Variants in CEP112 observed in about 807,000 individuals in gnomAD.
CEP112 encodes centrosomal protein of 112 kDa.
A neutral mutation model predicts 153.0 loss-of-function variants in CEP112; 127 were observed. That is an observed-to-expected ratio of 0.83 (90% CI 0.72 to 0.96). The LOEUF (loss-of-function observed/expected upper bound fraction) is 0.96, where lower values mean the gene tolerates loss of function less well. CEP112 is among the 40% of genes least tolerant of loss of function. The pLI, the probability that CEP112 is intolerant of heterozygous loss-of-function variation, is 0.00. For synonymous variants in CEP112, 358 were observed against 374.4 expected, an observed-to-expected ratio of 0.96 and a Z score of 0.51; for missense variants, 1,089 against 1,101.2, an observed-to-expected ratio of 0.99 and a Z score of 0.16.
rs1039626782 is a variant in CEP112 at position 66,074,473 on chromosome 17, C to A, written c.769-4472G>T. ...CCAAGTTTGATAAAATATAAAAATA[C>A]TGACTTAGAGAACAAGATGCTCAAT... On this transcript the variant is annotated intron_variant, in intron 8 of 26. Transcript: ENST00000535342. 7.2e-5 allele frequency among the ~76,000 whole-genome samples: 11 copies of A among 152,140 alleles called. No individual in the cohort carries two copies. The East Asian group carries it at 1.2e-3, about 16-fold the overall frequency.
chr17:65,991,567 C>A (rs2063596879), intron 17 of CEP112, among the ~76,000 whole-genome samples: 2 of 152,172 alleles, frequency 1.3e-5, no homozygotes, highest in Admixed American at 1.3e-4. Context: ...GTATTTAGAA[C>A]TAATCTTTCA....
chr17:65,849,504 A>T (rs1195452880), intron 21 of CEP112, among the ~76,000 whole-genome samples: 1 of 152,212 alleles, frequency 6.6e-6, no homozygotes, highest in Non-Finnish European at 1.5e-5. Flanking sequence ...TAATTTTTAA[A>T]TTATCTTTAC....
intron 11 of CEP112, among the ~76,000 whole-genome samples, chr17:66,054,435 G>T (rs1266177296): frequency 2.0e-5 from 3 of 152,238 alleles, no homozygotes; most frequent in African/African-American, 7.2e-5. Context: ...TGACTAAGCA[G>T]AATTGTATAC....
At chr17:65,825,799 C>G (rs538312389) in intron 21 of CEP112, among the ~76,000 whole-genome samples, 9 of 152,124 alleles carry the variant, frequency 5.9e-5, no homozygotes, top group Non-Finnish European at 1.2e-4. Flanking sequence ...GCTGTGGCAA[C>G]TTCACTTTTT....
rs149969826 is a variant in CEP112, at chr17:66,019,687, C to T, written c.1656+7814G>A. On this transcript the variant is annotated intron_variant, in intron 16 of 26. Coordinates refer to ENST00000535342, the MANE Select transcript of CEP112 (RefSeq NM_001199165.4). ...AGTGAAAACAACTAATATACATTAACAAGTAACGTTATTAAAAAGCTAGGC... is the reference window on the plus strand; with the variant it reads ...AGTGAAAACAACTAATATACATTAATAAGTAACGTTATTAAAAAGCTAGGC... Among the ~76,000 whole-genome samples the T allele has an allele frequency of 5.8e-3, 884 of 152,218 alleles. 3 individuals carry two copies. The highest frequency in any genetic ancestry group is 8.2e-3 in the Admixed American group (126 of 15,292).
intron 21 of CEP112, among the ~76,000 whole-genome samples, chr17:65,816,770 CTA>C (rs149830193): frequency 0.012 from 1,862 of 151,896 alleles, 20 homozygotes; most frequent in Middle Eastern, 0.031. Context: ...ATATTAATAT[CTA>C]GTTTTGTTAT....
rs1363648059 is a variant in CEP112, at chr17:66,191,240, AATT to A, written c.-9+754_-9+756del. On this transcript the variant is annotated intron_variant, in intron 1 of 26. Transcript: ENST00000535342. The surrounding 1 kb of genome is among the most constrained non-coding windows in gnomAD (Gnocchi z 4.2). ...GACAGCTGGGCCTGAACACTGCACA[AATT>A]ATTAATACCATGCATTCCACTAAGC... Among the ~76,000 whole-genome samples, 7 of 152,326 alleles carry A rather than the reference AATT, an allele frequency of 4.6e-5. No homozygotes were observed. Among genetic ancestry groups the A allele is most frequent in the Non-Finnish European group, 8.8e-5 (6 of 68,046 alleles).
At chr17:65,725,162 TTAAC>T (rs550449814) in intron 23 of CEP112, among the ~76,000 whole-genome samples, 45 of 152,316 alleles carry the variant, frequency 3.0e-4, no homozygotes, top group Non-Finnish European at 6.2e-4. Context: ...GCTTAGATAT[TTAAC>T]TAATCCAAGA....
intron 20 of CEP112, among the ~76,000 whole-genome samples, chr17:65,886,605 G>A (rs1332231909): frequency 6.6e-6 from 1 of 152,084 alleles, no homozygotes; most frequent in Non-Finnish European, 1.5e-5. Flanking sequence ...GGCCCAATTC[G>A]GAATTACTAT....
chr17:66,023,199 T>C, intron 16 of CEP112, among the ~76,000 whole-genome samples: 1 of 152,060 alleles, frequency 6.6e-6, no homozygotes, highest in East Asian at 1.9e-4. Context: ...AACATCCACA[T>C]ACAAGAAGTG....
intron 17 of CEP112, among the ~76,000 whole-genome samples, chr17:65,993,155 T>C (rs1200383346): frequency 1.3e-5 from 2 of 152,148 alleles, no homozygotes; most frequent in African/African-American, 4.8e-5. Flanking sequence ...TGTGATCTCA[T>C]TGTTCAGTTC....
chr17:65,884,115 C>T (rs1254053743), intron 20 of CEP112, among the ~76,000 whole-genome samples: 1 of 151,986 alleles, frequency 6.6e-6, no homozygotes, highest in African/African-American at 2.4e-5. Flanking sequence ...GTTGTTAAGG[C>T]CACTGAAATG....
intron 21 of CEP112, among the ~76,000 whole-genome samples, chr17:65,788,933 C>CT (rs1555656147): frequency 2.6e-5 from 4 of 152,194 alleles, no homozygotes; most frequent in Non-Finnish European, 5.9e-5. Flanking sequence ...GCTTATCGAT[C>CT]TATAGCTGGT....
At chr17:65,971,721 A>C (rs2062843793) in intron 17 of CEP112, among the ~76,000 whole-genome samples, 2 of 151,934 alleles carry the variant, frequency 1.3e-5, no homozygotes, top group African/African-American at 4.8e-5. Context: ...TGCATGCATA[A>C]ATATATTGCA....
chr17:65,942,191 C>T (rs1298431442), intron 18 of CEP112, among the ~76,000 whole-genome samples: 1 of 152,060 alleles, frequency 6.6e-6, no homozygotes, highest in Non-Finnish European at 1.5e-5. Context: ...TAGGAAGATT[C>T]TCACAGGAGC....
chr17:66,123,326 T>C (rs569047330), intron 6 of CEP112, among the ~76,000 whole-genome samples: 3 of 152,168 alleles, frequency 2.0e-5, no homozygotes, highest in Non-Finnish European at 4.4e-5. Context: ...AGCATGCCCC[T>C]CCCAATACAA....
At chr17:65,929,845 C>T (rs2061061231) in intron 18 of CEP112, among the ~76,000 whole-genome samples, 1 of 152,204 alleles carries the variant, frequency 6.6e-6, no homozygotes, top group Non-Finnish European at 1.5e-5. Flanking sequence ...CTTTAAAACA[C>T]ACACAAAATA....
intron 19 of CEP112, among the ~76,000 whole-genome samples, chr17:65,922,377 T>C (rs1284497845): frequency 6.6e-6 from 1 of 152,182 alleles, no homozygotes; most frequent in Non-Finnish European, 1.5e-5. Context: ...GCCTAAGATA[T>C]CTGCTTCAAT....
chr17:66,154,857 C>T (rs952774720), intron 4 of CEP112, among the ~76,000 whole-genome samples: 1 of 152,152 alleles, frequency 6.6e-6, no homozygotes, highest in Non-Finnish European at 1.5e-5. Context: ...AATTTAATTG[C>T]CATTATAACA....
Sources: allele counts gnomAD v4.1 joint callset (sites outside exome capture counted in the v4.1 genomes callset), GRCh38; gene constraint gnomAD v4.1.1; non-coding constraint Gnocchi (gnomAD v3.1); transcripts MANE v1.5; gene names NCBI Gene and HGNC (gene_info 2026-07-23, HGNC 2026-07-21).